MMS19: variants seen among roughly 807,000 people sequenced by gnomAD.
MMS19 encodes the protein MMS19 nucleotide excision repair protein homolog.
Under a neutral mutation model 129.8 loss-of-function variants are expected in MMS19, and 77 were observed. The observed-to-expected ratio is 0.59, with a 90% confidence interval of 0.49 to 0.72. The LOEUF is 0.72. MMS19 is among the 30% of genes least tolerant of loss of function. The pLI, the probability that MMS19 is intolerant of heterozygous loss-of-function variation, is 0.00. For missense variants in MMS19, 1,168 were observed against 1,266.3 expected (o/e 0.92, Z 1.18); for synonymous variants, 491 against 502.8 (o/e 0.98, Z 0.31).
At chr10:97,460,263 AG>A in intron 25 of MMS19, 31 bp from the exon 26 acceptor site, 1 of 1,590,064 alleles carries the variant, frequency 6.3e-7, no homozygotes, top group Non-Finnish European at 8.6e-7. Flanking sequence ...GAGGTACATC[AG>A]GGAAGAAGAA....
At position 97,492,890 on chromosome 10, in the gene MMS19, G is replaced by A. The variant is rs150478840; in HGVS notation, c.112+5383C>T. 2.4e-4 allele frequency among the ~76,000 whole-genome samples: 36 copies of A among 147,584 alleles called. 1 individual carries two copies. The East Asian group carries it at 4.4e-3, about 18-fold the overall frequency. On this transcript the variant is annotated intron_variant, in intron 1 of 30. Transcript: ENST00000438925. ...AAAAAAAAAAAAAAGCCATATGTTC[G>A]TTTTCATTCAACATTTACTGAATAT...
At chr10:97,480,027 G>A (rs1399235213) in intron 3 of MMS19, among the ~76,000 whole-genome samples, 6 of 152,114 alleles carry the variant, frequency 3.9e-5, no homozygotes, top group Admixed American at 6.5e-5. Flanking sequence ...TTCCCATGGC[G>A]TTCCTGCCCT....
At chr10:97,490,703 T>G (rs1001498443) in intron 1 of MMS19, among the ~76,000 whole-genome samples, 1 of 152,216 alleles carries the variant, frequency 6.6e-6, no homozygotes, top group Non-Finnish European at 1.5e-5. Flanking sequence ...GCAACAGTTA[T>G]GAGCTGACCT....
Position 97,466,542 on chromosome 10 carries a change from C to T in MMS19, c.1467G>A (p.Leu489=), listed in dbSNP as rs1399615472. 3.1e-6 allele frequency: 5 copies of T among 1,613,892 alleles called. No homozygotes were observed. Among genetic ancestry groups the T allele is most frequent in the Non-Finnish European group, 4.2e-6 (5 of 1,179,800 alleles). The stretch of plus-strand genomic sequence containing the variant: ...CCTCCTTCAGGAAGCTCAGTCTGTA[C>T]AGGTGACCCACTGCCAGCTCCAAGT... ...YEDLELAVGH[L]YRLSFLKEDS... The change falls in exon 16 of 31, where the codon CTG becomes CTA. Residue 489 remains leucine (L), a synonymous_variant. Transcript: ENST00000438925.
At chr10:97,487,626 G>A (rs1320750221) in intron 1 of MMS19, among the ~76,000 whole-genome samples, 1 of 151,946 alleles carries the variant, frequency 6.6e-6, no homozygotes, top group Non-Finnish European at 1.5e-5. Flanking sequence ...GCCTAAATAT[G>A]AGAAAATTTC....
chr10:97,480,910 C>T (rs772704416), intron 3 of MMS19, 32 bp downstream of exon 3: 6 of 1,482,938 alleles, frequency 4.0e-6, no homozygotes, highest in Non-Finnish European at 5.6e-6. Flanking sequence ...CTCAGCAATC[C>T]AGGAAGACAT....
chr10:97,489,927 G>A (rs1177629878), intron 1 of MMS19, among the ~76,000 whole-genome samples: 1 of 152,154 alleles, frequency 6.6e-6, no homozygotes, highest in African/African-American at 2.4e-5. Context: ...CAATGTTAAT[G>A]TTTATCACTT....
intron 8 of MMS19, among the ~76,000 whole-genome samples, chr10:97,474,940 C>T (rs2035462902): frequency 6.6e-6 from 1 of 152,112 alleles, no homozygotes; most frequent in African/African-American, 2.4e-5. Context: ...AATACTGTTC[C>T]TCTCCCCCAA....
At chr10:97,460,323 T>A in intron 25 of MMS19, 91 bp from the exon 26 acceptor site, 1 of 1,256,584 alleles carries the variant, frequency 8.0e-7, no homozygotes, top group South Asian at 1.5e-5. Context: ...GGCTCATGCC[T>A]GTAATCCTAG....
chr10:97,459,711 GAAAGAC>G lies in MMS19; in HGVS notation c.2681_2686del (p.Gly894_Ser896delinsAla). 1 of 1,612,568 alleles carries G rather than the reference GAAAGAC, an allele frequency of 6.2e-7. No homozygotes were observed. The highest frequency in any genetic ancestry group is 1.1e-5 in the South Asian group (1 of 90,642). On this transcript the variant is annotated inframe_deletion, in exon 27 of 31. Coordinates refer to ENST00000438925, the MANE Select transcript of MMS19 (RefSeq NM_022362.5). ...CTTGGGCAGCCTGTTAAGTACATGA[GAAAGAC>G]CCTTCAAGTAGTTTGGCTTCACATC...
chr10:97,483,273 T>TA (rs1239583656), intron 2 of MMS19, among the ~76,000 whole-genome samples: 8 of 152,078 alleles, frequency 5.3e-5, no homozygotes, highest in Non-Finnish European at 1.0e-4. Context: ...AGGCTGGTCT[T>TA]AAACTCCTGA....
chr10:97,466,953 CCTGA>C (rs2033626445), intron 14 of MMS19, 52 bp from the exon 15 acceptor site: 5 of 1,608,454 alleles, frequency 3.1e-6, no homozygotes, highest in South Asian at 2.2e-5. Flanking sequence ...ATTCCATATC[CCTGA>C]CTAAGCTGTG....
At chr10:97,460,628 G>T in intron 25 of MMS19, 67 bp downstream of exon 25, 1 of 1,314,566 alleles carries the variant, frequency 7.6e-7, no homozygotes, top group Non-Finnish European at 1.1e-6. Flanking sequence ...GAAGTCCTTG[G>T]GAGGAATAGG....
intron 1 of MMS19, among the ~76,000 whole-genome samples, chr10:97,484,964 TAG>T (rs1456262618): frequency 1.3e-5 from 2 of 152,184 alleles, no homozygotes; most frequent in African/African-American, 4.8e-5. Context: ...TATTTCTTTG[TAG>T]AGATGGGTTT....
intron 4 of MMS19, 67 bp downstream of exon 4, chr10:97,478,237 C>A: frequency 7.8e-7 from 1 of 1,284,814 alleles, no homozygotes; most frequent in South Asian, 1.3e-5. Flanking sequence ...ACACCCAAAG[C>A]GCAAGGAGAG....
chr10:97,466,818 G>A lies in MMS19; in HGVS notation c.1381C>T (p.Leu461Phe), dbSNP rs781217674. 3.1e-6 allele frequency: 5 copies of A among 1,614,016 alleles called. No individual in the cohort carries two copies. Among genetic ancestry groups the A allele is most frequent in the Admixed American group, 1.7e-5 (1 of 60,028 alleles). The change falls in exon 15 of 31, where the codon CTT becomes TTT. Residue 461 changes from leucine (L) to phenylalanine (F), a missense_variant. Leu to Phe is a conservative substitution (Grantham distance 22). This residue lies in a region of MMS19 where 831 missense variants were observed against 910.8 expected (regional missense o/e 0.91). Coordinates refer to ENST00000438925, the MANE Select transcript of MMS19 (RefSeq NM_022362.5). ...ALTDPSTQLQ[L>F]VGIRTLTVLG... Reference sequence around the variant, plus strand: ...ACTGTCAGTGTACGGATGCCAACAAGCTGAAGCTGGGTGCTGGGGTCTGTT... The same window carrying A: ...ACTGTCAGTGTACGGATGCCAACAAACTGAAGCTGGGTGCTGGGGTCTGTT...
intron 16 of MMS19, 98 bp downstream of exon 16, chr10:97,466,406 A>T: frequency 2.0e-6 from 2 of 1,019,282 alleles, no homozygotes; most frequent in South Asian, 2.6e-5. Flanking sequence ...AGGAGAGCCA[A>T]GGGTCAGAAG....
At chr10:97,467,275 C>T (rs866516087) in intron 14 of MMS19, among the ~76,000 whole-genome samples, 5 of 152,098 alleles carry the variant, frequency 3.3e-5, no homozygotes, top group African/African-American at 4.8e-5. Context: ...CACCATGCCC[C>T]GCCTCCTGGG....
At chr10:97,477,297 A>C (rs2035942059) in intron 6 of MMS19, 50 bp downstream of exon 6, 1 of 1,613,752 alleles carries the variant, frequency 6.2e-7, no homozygotes, top group African/African-American at 1.3e-5. Context: ...ATAGGGGAAA[A>C]AGTAGGATGT....
Sources: gnomAD v4.1 joint callset for allele counts (sites outside exome capture counted in the v4.1 genomes callset) on GRCh38, gnomAD v4.1.1 for gene constraint, gnomAD v4.1.1 regional missense constraint, MANE v1.5 for transcripts, NCBI Gene and HGNC (gene_info 2026-07-23, HGNC 2026-07-21) for gene names.